Variants in SCUBE1 observed in about 807,000 individuals in gnomAD.
SCUBE1 encodes the protein signal peptide, CUB domain and EGF like domain containing 1, also known as signal peptide, CUB and EGF-like domain-containing protein 1.
In SCUBE1, 59 loss-of-function variants were observed where a neutral mutation model predicts 124.4. The ratio of observed to expected loss-of-function variants is 0.47; its 90% CI spans 0.38 to 0.59. The LOEUF (loss-of-function observed/expected upper bound fraction) is 0.59, where lower values mean the gene tolerates loss of function less well. Among genes scored for constraint, SCUBE1 ranks in the 20% least tolerant of loss-of-function variants. The pLI is 0.00. For missense variants in SCUBE1, 1,150 were observed against 1,371.2 expected (o/e 0.84, Z 2.55); for synonymous variants, 545 against 550.9 (o/e 0.99, Z 0.15).
intron 4 of SCUBE1, 148 bp downstream of exon 4, chr22:43,290,898 T>C (rs905940187): frequency 7.3e-6 from 6 of 820,352 alleles, no homozygotes; most frequent in African/African-American, 3.4e-5. Context: ...GCAGAACCAA[T>C]ACCAGACGTG....
At position 43,238,938 on chromosome 22, in the gene SCUBE1, A is replaced by G. The variant is rs941991267; in HGVS notation, c.744T>C (p.Asn248=). Residue 248 remains asparagine (N), a synonymous_variant, in exon 7 of 22, where the codon AAT becomes AAC. Coordinates refer to ENST00000360835, the MANE Select transcript of SCUBE1 (RefSeq NM_173050.5). The part of the protein sequence containing the change: ...GRTCIETCAV[N]NGGCDRTCKD... ...TGCATGTCCGGTCGCAGCCTCCGTTATTGACTGCGCACGTCTCTGGGGAGG... is the reference window on the plus strand; with the variant it reads ...TGCATGTCCGGTCGCAGCCTCCGTTGTTGACTGCGCACGTCTCTGGGGAGG... 7.4e-6 allele frequency: 12 copies of G among 1,612,514 alleles called. No individual in the cohort carries two copies. Among genetic ancestry groups the G allele is most frequent in the African/African-American group, 1.3e-5 (1 of 74,890 alleles).
At chr22:43,208,972 A>T (rs1178119054) in intron 19 of SCUBE1, among the ~76,000 whole-genome samples, 2 of 143,174 alleles carry the variant, frequency 1.4e-5, no homozygotes, top group Non-Finnish European at 3.0e-5. Context: ...ACTTCAGCTC[A>T]GGCTTGTGGT....
chr22:43,261,149 A>G (rs1305833351), intron 5 of SCUBE1, among the ~76,000 whole-genome samples: 2 of 152,232 alleles, frequency 1.3e-5, no homozygotes, highest in East Asian at 3.9e-4. Context: ...CAGATCACAC[A>G]ACACGGGGGA....
At chr22:43,303,274 A>G (rs1039408577) in intron 3 of SCUBE1, among the ~76,000 whole-genome samples, 8 of 152,138 alleles carry the variant, frequency 5.3e-5, no homozygotes, top group Non-Finnish European at 1.2e-4. Flanking sequence ...CTCACCTACC[A>G]GGTATCCTTG....
At chr22:43,343,140 C>T in intron 1 of SCUBE1, 34 bp downstream of exon 1, 1 of 1,097,254 alleles carries the variant, frequency 9.1e-7, no homozygotes, top group Non-Finnish European at 1.1e-6. Context: ...GAGCCCCCCG[C>T]GCCCGCCGCC....
At chr22:43,329,519 C>G (rs1415502994) in intron 2 of SCUBE1, among the ~76,000 whole-genome samples, 1 of 152,270 alleles carries the variant, frequency 6.6e-6, no homozygotes, top group Admixed American at 6.5e-5. Flanking sequence ...CCCAGCTCCA[C>G]TTCCCTCTGT....
At chr22:43,289,545 T>A (rs1301444390) in intron 4 of SCUBE1, among the ~76,000 whole-genome samples, 2 of 152,222 alleles carry the variant, frequency 1.3e-5, no homozygotes, top group Non-Finnish European at 2.9e-5. Flanking sequence ...GTTCGAGTAT[T>A]TCCACTTTAT....
At position 43,222,628 on chromosome 22, in the gene SCUBE1, G is replaced by A. The variant is rs778624953; in HGVS notation, c.1432+10C>T. ...AGTGGCATGCAGCATGGACAGGCCG[G>A]GGGGGTTACCTGAGCAGCTGGGCCC... is the stretch of plus-strand genomic sequence containing the variant. On this transcript the variant is annotated intron_variant, in intron 12 of 21. Coordinates refer to ENST00000360835, the MANE Select transcript of SCUBE1 (RefSeq NM_173050.5). 2.4e-5 allele frequency: 34 copies of A among 1,424,278 alleles called. No homozygotes were observed. The African/African-American group carries it at 4.2e-4, about 18-fold the overall frequency. 88.2% of individuals were successfully genotyped at this position (1,424,278 alleles called of 1,614,324 possible).
At chr22:43,337,933 AAGACCTGGATTTC>A (rs11268193) in intron 2 of SCUBE1, among the ~76,000 whole-genome samples, 10,826 of 152,296 alleles carry the variant, frequency 0.071, 549 homozygotes, top group Non-Finnish European at 0.11. Context: ...TGGGAGTTAC[AAGACCTGGATTTC>A]AGTCCTTGTC....
intron 4 of SCUBE1, among the ~76,000 whole-genome samples, chr22:43,280,678 CCTTT>C (rs1047851583): frequency 6.6e-6 from 1 of 150,956 alleles, no homozygotes; most frequent in Admixed American, 6.6e-5. Context: ...CCTTCTGTCA[CCTTT>C]CTTTCACACA....
chr22:43,240,574 T>G (rs1213528778), intron 6 of SCUBE1, among the ~76,000 whole-genome samples: 1 of 152,166 alleles, frequency 6.6e-6, no homozygotes, highest in East Asian at 1.9e-4. Flanking sequence ...GAGTCCTGGC[T>G]GTCACTCACG....
At chr22:43,293,701 C>T (rs1467015908) in intron 3 of SCUBE1, among the ~76,000 whole-genome samples, 2 of 152,234 alleles carry the variant, frequency 1.3e-5, no homozygotes, top group East Asian at 1.9e-4. Context: ...GGACTCAGTT[C>T]GGACCCCTCT....
At chr22:43,321,605 T>C (rs1260178715) in intron 2 of SCUBE1, among the ~76,000 whole-genome samples, 1 of 152,134 alleles carries the variant, frequency 6.6e-6, no homozygotes, top group Non-Finnish European at 1.5e-5. Context: ...CCACTCTTGG[T>C]GTCCACCCAG....
At chr22:43,241,586 GCTCC>G (rs1246947656) in intron 6 of SCUBE1, among the ~76,000 whole-genome samples, 5 of 152,058 alleles carry the variant, frequency 3.3e-5, no homozygotes, top group Admixed American at 3.3e-4. Flanking sequence ...CTCCCCCAGT[GCTCC>G]CTGTCTGCAG....
At chr22:43,212,061 G>A (rs1921584037) in intron 17 of SCUBE1, among the ~76,000 whole-genome samples, 1 of 152,120 alleles carries the variant, frequency 6.6e-6, no homozygotes, top group African/African-American at 2.4e-5. Flanking sequence ...ACAGACAGCA[G>A]TTGAGGTGAT....
rs1475088747 is a variant in SCUBE1 at position 43,198,893 on chromosome 22, C to T, written c.*5104G>A. 2.7e-6 allele frequency: 1 copy of T among 374,788 alleles called. No individual in the cohort carries two copies. The highest frequency in any genetic ancestry group is 5.3e-6 in the Non-Finnish European group (1 of 189,702). The allele number at this position is 374,788 out of a possible 1,614,324, so 23.2% of individuals were successfully genotyped here. ...GCTGTCTGGGGCAGTTTGCTGTCTG[C>T]TTTCCGGGGCAGTTTGTCTGTCTGC... On this transcript the variant is annotated 3_prime_UTR_variant, in exon 22 of 22. Transcript: ENST00000360835.
At chr22:43,218,739 G>A (rs1401251852) in intron 14 of SCUBE1, among the ~76,000 whole-genome samples, 1 of 150,910 alleles carries the variant, frequency 6.6e-6, no homozygotes, top group African/African-American at 2.4e-5. Context: ...CGACTCACGG[G>A]GCAAGAACGC....
intron 9 of SCUBE1, among the ~76,000 whole-genome samples, chr22:43,227,842 T>G (rs901954957): frequency 1.3e-4 from 20 of 152,162 alleles, no homozygotes; most frequent in African/African-American, 4.8e-4. Flanking sequence ...ATTGTGAAAC[T>G]GATTTTACCG....
intron 4 of SCUBE1, among the ~76,000 whole-genome samples, chr22:43,290,556 C>T (rs1327904251): frequency 6.6e-6 from 1 of 152,260 alleles, no homozygotes; most frequent in Non-Finnish European, 1.5e-5. Flanking sequence ...GCTGGCCTGC[C>T]ACACTGCCTG....
Sources: gnomAD v4.1 joint callset for allele counts (sites outside exome capture counted in the v4.1 genomes callset) on GRCh38, gnomAD v4.1.1 for gene constraint, MANE v1.5 for transcripts, NCBI Gene and HGNC (gene_info 2026-07-23, HGNC 2026-07-21) for gene names.